Variants in SCAI observed in about 807,000 individuals in gnomAD.
SCAI encodes protein SCAI.
Under a neutral mutation model 92.2 loss-of-function variants are expected in SCAI, and 24 were observed. The ratio of observed to expected loss-of-function variants is 0.26; its 90% CI spans 0.19 to 0.37. SCAI has a LOEUF of 0.37. Ranked by LOEUF, SCAI falls within the 10% of genes least tolerant of loss-of-function variation. SCAI has a pLI of 1.00. For missense variants in SCAI, 450 were observed against 736.2 expected (o/e 0.61, Z 4.50); for synonymous variants, 261 against 258.6 (o/e 1.01, Z -0.09).
At chr9:125,081,107 T>A (rs142476791) in intron 2 of SCAI, among the ~76,000 whole-genome samples, 70 of 152,350 alleles carry the variant, frequency 4.6e-4, no homozygotes, top group African/African-American at 1.7e-3. Flanking sequence ...CTTTCTTTTG[T>A]AATTGTCAAG....
intron 3 of SCAI, among the ~76,000 whole-genome samples, chr9:125,041,005 A>G (rs1833309656): frequency 6.6e-6 from 1 of 152,164 alleles, no homozygotes; most frequent in South Asian, 2.1e-4. Context: ...ATATGAATGA[A>G]AGGTCAATTT....
rs1449250761 is a variant in SCAI, at chr9:125,143,446, T to C, written c.-9A>G. 4.4e-6 allele frequency: 6 copies of C among 1,360,066 alleles called. No homozygotes were observed. The highest frequency in any genetic ancestry group is 1.7e-5 in the South Asian group (1 of 60,154). The allele number at this position is 1,360,066 out of a possible 1,614,324, so 84.2% of individuals were successfully genotyped here. On this transcript the variant is annotated 5_prime_UTR_variant, in exon 1 of 18. Transcript: ENST00000336505. ...CGGGCTCCTCTGACCATCCGGCTCC[T>C]GCTCCGCCGCGGGAGCTGCTCCGGC...
intron 3 of SCAI, among the ~76,000 whole-genome samples, chr9:125,048,317 C>T (rs1833488808): frequency 6.6e-6 from 1 of 152,084 alleles, no homozygotes; most frequent in South Asian, 2.1e-4. Context: ...GATCAAGATA[C>T]CTACTGTACT....
rs764625501 is a variant in SCAI at position 124,950,872 on chromosome 9, G to A, written c.*1935C>T. 1.3e-5 allele frequency: 2 copies of A among 151,722 alleles called. No individual in the cohort carries two copies. Among genetic ancestry groups the A allele is most frequent in the Non-Finnish European group, 2.9e-5 (2 of 67,976 alleles). The allele number at this position is 151,722 out of a possible 1,614,324, so 9.4% of individuals were successfully genotyped here. A position where few individuals can be genotyped will look rare whatever the true frequency, so the allele number is the denominator to read the frequency against. On this transcript the variant is annotated 3_prime_UTR_variant, in exon 18 of 18. Coordinates refer to ENST00000336505, the MANE Select transcript of SCAI (RefSeq NM_001144877.3). ...GAGGCCAGCCTGCTCAACAAAGTGA[G>A]ACCATGTCTCTACAAAAAATTAAAA... is the stretch of plus-strand genomic sequence containing the variant.
chr9:124,977,743 A>T (rs943138703), intron 14 of SCAI, among the ~76,000 whole-genome samples: 2 of 152,202 alleles, frequency 1.3e-5, no homozygotes, highest in African/African-American at 4.8e-5. Context: ...GTGCTGGTAC[A>T]AGAGTAGGCA....
chr9:125,074,036 G>C (rs956263819), intron 2 of SCAI, among the ~76,000 whole-genome samples: 1 of 151,492 alleles, frequency 6.6e-6, no homozygotes, highest in Non-Finnish European at 1.5e-5. Context: ...GAGGTGGGCA[G>C]ATCATGAGGT....
intron 7 of SCAI, among the ~76,000 whole-genome samples, chr9:125,020,270 C>CT (rs988513048): frequency 3.3e-5 from 5 of 152,108 alleles, no homozygotes; most frequent in African/African-American, 1.2e-4. Context: ...GAAGGAGAGA[C>CT]TTTATGCAGA....
intron 2 of SCAI, among the ~76,000 whole-genome samples, chr9:125,131,420 A>G (rs532159134): frequency 6.6e-6 from 1 of 151,608 alleles, no homozygotes; most frequent in Non-Finnish European, 1.5e-5. Flanking sequence ...AAAAAAAAAA[A>G]AAAGAAAAAT....
In SCAI at chr9:124,971,642, T is replaced by G. The variant is rs1271224249; in HGVS notation, c.1573+29A>C. On this transcript the variant is annotated intron_variant, in intron 16 of 17. Coordinates refer to ENST00000336505, the MANE Select transcript of SCAI (RefSeq NM_001144877.3). ...TTTTAAGCCATTATAGTACATTCTG[T>G]TAAACGTGCAGTTAGATTAGGAGGG... The G allele has an allele frequency of 4.5e-6, 7 of 1,541,368 alleles. No individual in the cohort carries two copies. In the Admixed American group the frequency reaches 1.4e-4, roughly 31 times the overall value.
chr9:125,000,596 T>C (rs964962048), intron 12 of SCAI, among the ~76,000 whole-genome samples: 5 of 101,604 alleles, frequency 4.9e-5, no homozygotes, highest in Admixed American at 2.1e-4. Flanking sequence ...AGTGAGACCC[T>C]GTCTCAGAAA....
intron 2 of SCAI, among the ~76,000 whole-genome samples, chr9:125,104,426 T>G (rs1359520390): frequency 1.3e-5 from 2 of 152,190 alleles, no homozygotes; most frequent in Non-Finnish European, 2.9e-5. Context: ...TGCCACTGCT[T>G]ATTCTTAACT....
Position 125,135,918 on chromosome 9 carries a change from G to A in SCAI, c.98+6715C>T, listed in dbSNP as rs897865052. ...CAGGAGGCAGAGGCTGCAGTGAGCC[G>A]AGATCACACCATTGCACTCCAGCCT... is the stretch of plus-strand genomic sequence containing the variant. On this transcript the variant is annotated intron_variant, in intron 2 of 17. Coordinates refer to ENST00000336505, the MANE Select transcript of SCAI (RefSeq NM_001144877.3). Among the ~76,000 whole-genome samples, 30 of 139,744 alleles carry A rather than the reference G, an allele frequency of 2.1e-4. No individual in the cohort carries two copies. The East Asian group carries it at 3.6e-3, about 17-fold the overall frequency. 91.7% of individuals were successfully genotyped at this position (139,744 alleles called of 152,430 possible).
intron 2 of SCAI, among the ~76,000 whole-genome samples, chr9:125,092,945 A>T (rs1415585716): frequency 6.6e-6 from 1 of 152,194 alleles, no homozygotes; most frequent in African/African-American, 2.4e-5. Flanking sequence ...GTCACTACCA[A>T]TGAGTTCCAT....
intron 3 of SCAI, among the ~76,000 whole-genome samples, chr9:125,033,074 C>T (rs945429149): frequency 2.7e-5 from 4 of 147,980 alleles, no homozygotes; most frequent in Non-Finnish European, 6.0e-5. Context: ...TTACATGACA[C>T]TGAATAAAAG....
intron 2 of SCAI, among the ~76,000 whole-genome samples, chr9:125,089,647 G>C (rs1032612709): frequency 1.3e-5 from 2 of 152,070 alleles, no homozygotes; most frequent in Non-Finnish European, 2.9e-5. Flanking sequence ...CATTAAGTTT[G>C]AGGCAGTAAT....
chr9:125,056,134 C>T, intron 2 of SCAI, 127 bp from the exon 3 acceptor site: 1 of 693,488 alleles, frequency 1.4e-6, no homozygotes, highest in African/African-American at 1.8e-5. Flanking sequence ...ACAATCAAAT[C>T]ACAAAAATAT....
In SCAI at chr9:125,120,992, G is replaced by A. The variant is rs78672739; in HGVS notation, c.98+21641C>T. Among the ~76,000 whole-genome samples, 1,184 of 152,012 alleles carry A rather than the reference G, an allele frequency of 7.8e-3. 36 individuals are homozygous for A. The East Asian group carries it at 0.092, about 12-fold the overall frequency. ...TCTGCCACTAAAAATTAAATACAGA[G>A]TTGGAAGAAACTTTTGACACCACTT... On this transcript the variant is annotated intron_variant, in intron 2 of 17. Transcript: ENST00000336505.
chr9:124,953,406 A>G (rs1831264256), intron 17 of SCAI, among the ~76,000 whole-genome samples: 1 of 151,626 alleles, frequency 6.6e-6, no homozygotes, highest in African/African-American at 2.4e-5. Context: ...AAGCGGGCAG[A>G]TCATGAGGTC....
chr9:125,026,856 T>G lies in SCAI; in HGVS notation c.468A>C (p.Ala156=). Residue 156 remains alanine, a synonymous_variant, in exon 6 of 18, where the codon GCA becomes GCC. Transcript: ENST00000336505. ...GAGAATAATATGATCTCTGTCTGAT[T>G]GCAGAATAGAAGGAAAAAGCCTCAT... The part of the protein sequence containing the change: ...YLNEAFSFYS[A]IRQRSYYSQV... The G allele has an allele frequency of 1.9e-6, 3 of 1,607,542 alleles. No homozygotes were observed. Among genetic ancestry groups the G allele is most frequent in the Non-Finnish European group, 2.6e-6 (3 of 1,174,552 alleles).
Sources: gnomAD v4.1 joint callset for allele counts (sites outside exome capture counted in the v4.1 genomes callset) on GRCh38, gnomAD v4.1.1 for gene constraint, MANE v1.5 for transcripts, NCBI Gene and HGNC (gene_info 2026-07-23, HGNC 2026-07-21) for gene names.